PYHIN1: variants seen among roughly 807,000 people sequenced by gnomAD.
The protein encoded by PYHIN1 is pyrin and HIN domain-containing protein 1.
PYHIN1 carries 32 observed loss-of-function variants against 43.7 expected under a neutral mutation model. The observed-to-expected ratio is 0.73, with a 90% CI of 0.55 to 0.98. The LOEUF is 0.98. Among genes scored for constraint, PYHIN1 ranks in the 50% least tolerant of loss-of-function variants. The probability of loss-of-function intolerance (pLI) is 0.00; values close to 1 mark genes in which losing one functional copy is unlikely to be tolerated. For synonymous variants in PYHIN1, 205 were observed against 203.1 expected, an observed-to-expected ratio of 1.01 and a Z score of -0.08; for missense variants, 588 against 589.5, an observed-to-expected ratio of 1.00 and a Z score of 0.03.
downstream of PYHIN1, among the ~76,000 whole-genome samples, chr1:158,981,385 C>T (rs566351768): frequency 5.3e-5 from 8 of 152,106 alleles, no homozygotes; most frequent in Admixed American, 6.6e-5. Flanking sequence ...GCAGGAGAAT[C>T]GCTTGAACCT....
At chr1:158,970,395 A>G (rs1480558184) in intron 7 of PYHIN1, among the ~76,000 whole-genome samples, 1 of 151,936 alleles carries the variant, frequency 6.6e-6, no homozygotes, top group East Asian at 1.9e-4. Flanking sequence ...TGAATAGTGT[A>G]TGTTGTACCC....
chr1:158,951,536 C>A (rs1649530008), intron 7 of PYHIN1, among the ~76,000 whole-genome samples: 1 of 152,232 alleles, frequency 6.6e-6, no homozygotes, highest in East Asian at 1.9e-4. Flanking sequence ...GCTAGTAAAC[C>A]CAGATCGAGT....
Position 158,941,998 on chromosome 1 carries a change from C to T in PYHIN1, c.601C>T (p.Arg201Cys), listed in dbSNP as rs764929152. ...GCAGAGCCTAAAACCATTGGCCAAC[C>T]GTCACGCAACTGCCAGTAAAAATAT... ...STESLKPLAN[R>C]HATASKNIFR... is the part of the protein sequence containing the mutation. The change falls in exon 5 of 9, where the codon CGT becomes TGT. Residue 201 changes from arginine to cysteine, a missense_variant. Transcript: ENST00000368140. 24 of 1,607,182 alleles carry T rather than the reference C, an allele frequency of 1.5e-5. No individual in the cohort carries two copies. The highest frequency in any genetic ancestry group is 1.7e-5 in the Admixed American group (1 of 59,128).
At chr1:158,959,038 C>T (rs1392454888) in intron 7 of PYHIN1, among the ~76,000 whole-genome samples, 7 of 151,404 alleles carry the variant, frequency 4.6e-5, no homozygotes, top group Non-Finnish European at 1.0e-4. Flanking sequence ...ACTTGGAAAT[C>T]CCAAGCGGGC....
At chr1:158,975,348 A>C (rs1209224043) in intron 8 of PYHIN1, among the ~76,000 whole-genome samples, 2 of 152,118 alleles carry the variant, frequency 1.3e-5, no homozygotes, top group African/African-American at 4.8e-5. Context: ...TAAATCAAAG[A>C]GCCCAGAATG....
At chr1:158,949,924 G>A (rs1049468936) in intron 7 of PYHIN1, among the ~76,000 whole-genome samples, 1 of 152,198 alleles carries the variant, frequency 6.6e-6, no homozygotes, top group Non-Finnish European at 1.5e-5. Flanking sequence ...CCATGATGTA[G>A]CCACAATTGG....
intron 7 of PYHIN1, among the ~76,000 whole-genome samples, chr1:158,950,498 G>C (rs111880457): frequency 0.075 from 11,393 of 152,196 alleles, 738 homozygotes; most frequent in Admixed American, 0.22. Context: ...AATCCAAAGA[G>C]GACCTGAGGG....
At chr1:158,932,486 T>C (rs1476438) in intron 1 of PYHIN1, among the ~76,000 whole-genome samples, 40,731 of 151,988 alleles carry the variant, frequency 0.27, 6,542 homozygotes, top group Non-Finnish European at 0.36. Context: ...GACAAGATAA[T>C]GATGTGCACA....
At chr1:158,989,001 C>A in the PYHIN1 span, among the ~76,000 whole-genome samples, 1 of 152,194 alleles carries the variant, frequency 6.6e-6, no homozygotes, top group Non-Finnish European at 1.5e-5. Context: ...ATCCAAAGAG[C>A]CTTAAAATCT....
At chr1:158,964,827 A>G (rs1313642260) in intron 7 of PYHIN1, among the ~76,000 whole-genome samples, 1 of 152,196 alleles carries the variant, frequency 6.6e-6, no homozygotes, top group Non-Finnish European at 1.5e-5. Flanking sequence ...CAACCACAGA[A>G]ACAAGTCTGC....
At chr1:158,932,989 A>G (rs978920395) in intron 1 of PYHIN1, among the ~76,000 whole-genome samples, 8 of 152,014 alleles carry the variant, frequency 5.3e-5, no homozygotes, top group Non-Finnish European at 8.8e-5. Flanking sequence ...TTCAGGATTT[A>G]TATATGTTAG....
At chr1:158,950,144 G>C (rs1392830112) in intron 7 of PYHIN1, among the ~76,000 whole-genome samples, 1 of 152,224 alleles carries the variant, frequency 6.6e-6, no homozygotes, top group Non-Finnish European at 1.5e-5. Context: ...CAGGGCGAAA[G>C]AGAGGCAGAT....
chr1:158,973,293 T>C (rs910434723), intron 7 of PYHIN1, among the ~76,000 whole-genome samples: 1 of 152,020 alleles, frequency 6.6e-6, no homozygotes, highest in African/African-American at 2.4e-5. Context: ...GAAGAGTGTC[T>C]ACAGATTTTA....
At chr1:158,947,040 A>G (rs1428500240) in intron 7 of PYHIN1, among the ~76,000 whole-genome samples, 1 of 152,130 alleles carries the variant, frequency 6.6e-6, no homozygotes. Context: ...CACATCATGC[A>G]GTTTCTTACA....
intron 7 of PYHIN1, among the ~76,000 whole-genome samples, chr1:158,968,307 A>G (rs1230073129): frequency 6.6e-6 from 1 of 152,156 alleles, no homozygotes; most frequent in African/African-American, 2.4e-5. Context: ...ACCCTTCTCA[A>G]TAGAAAACAT....
chr1:158,983,951 G>GA, the PYHIN1 span, among the ~76,000 whole-genome samples: 3 of 17,044 alleles, frequency 1.8e-4, no homozygotes, highest in Non-Finnish European at 0.016. Context: ...TGGTCTTTGA[G>GA]AGTTTTTGTA....
intron 7 of PYHIN1, among the ~76,000 whole-genome samples, chr1:158,947,962 T>C (rs1649314684): frequency 6.6e-6 from 1 of 152,196 alleles, no homozygotes; most frequent in Non-Finnish European, 1.5e-5. Flanking sequence ...TTGAGACTTT[T>C]ACAAAACCTT....
downstream of PYHIN1, among the ~76,000 whole-genome samples, chr1:158,981,537 G>A (rs918180556): frequency 6.6e-6 from 1 of 152,122 alleles, no homozygotes; most frequent in African/African-American, 2.4e-5. Context: ...TCTTTTAGTA[G>A]AACAATTTAT....
chr1:158,971,087 C>T (rs1034592795), intron 7 of PYHIN1, among the ~76,000 whole-genome samples: 1 of 151,936 alleles, frequency 6.6e-6, no homozygotes, highest in Non-Finnish European at 1.5e-5. Context: ...TTGAATTTTA[C>T]ATTTGTTTTT....
Sources: gnomAD v4.1 joint callset for allele counts (sites outside exome capture counted in the v4.1 genomes callset) on GRCh38, gnomAD v4.1.1 for gene constraint, MANE v1.5 for transcripts, NCBI Gene and HGNC (gene_info 2026-07-23, HGNC 2026-07-21) for gene names.